The following ADNP variants were observed in gnomAD, a reference collection of about 807,000 sequenced individuals.
ADNP encodes the protein activity dependent neuroprotector homeobox.
A neutral mutation model predicts 84.9 loss-of-function variants in ADNP; 4 were observed. The observed-to-expected ratio is 0.05, with a 90% CI of 0.02 to 0.11. ADNP has a LOEUF of 0.11. ADNP is among the 10% of genes least tolerant of loss of function. ADNP has a pLI of 1.00. For missense variants in ADNP, 1,132 were observed against 1,326.0 expected (o/e 0.85, Z 2.27); for synonymous variants, 554 against 468.1 (o/e 1.18, Z -2.37).
intron 2 of ADNP, among the ~76,000 whole-genome samples, chr20:50,922,921 C>G (rs756161741): frequency 4.6e-5 from 7 of 152,052 alleles, no homozygotes; most frequent in Non-Finnish European, 1.0e-4. Flanking sequence ...GGAAACCTTA[C>G]TTCCCTTCCC....
intron 5 of ADNP, among the ~76,000 whole-genome samples, chr20:50,899,524 A>C (rs1284991753): frequency 6.6e-6 from 1 of 151,978 alleles, no homozygotes; most frequent in Non-Finnish European, 1.5e-5. Context: ...ATGAGTTTTT[A>C]ATCATTATTT....
chr20:50,894,003 T>C lies in ADNP; in HGVS notation c.711A>G (p.Val237=), dbSNP rs1264284589. Reference sequence around the variant, plus strand: ...GTTCATGGTCTTCGATGACATGCTGTACCAAAGCTTCATAGGACTTTGGCA... The same window carrying C: ...GTTCATGGTCTTCGATGACATGCTGCACCAAAGCTTCATAGGACTTTGGCA... ...LFMPKSYEAL[V]QHVIEDHERI... Residue 237 remains valine (V), a synonymous_variant, in exon 6 of 6, where the codon GTA becomes GTG. Coordinates refer to ENST00000621696, the MANE Select transcript of ADNP (RefSeq NM_001282531.3). 1.2e-6 allele frequency: 2 copies of C among 1,614,188 alleles called. No homozygotes were observed. Among genetic ancestry groups the C allele is most frequent in the Admixed American group, 1.7e-5 (1 of 60,018 alleles).
chr20:50,914,536 C>G (rs1364345326), intron 2 of ADNP: 1 of 239,004 alleles, frequency 4.2e-6, no homozygotes, highest in Non-Finnish European at 8.5e-6. Flanking sequence ...GACTATTGTT[C>G]CTGCTGAGGT....
rs368941439 is a variant in ADNP at position 50,892,078 on chromosome 20, A to G, written c.2636T>C (p.Phe879Ser). The G allele has an allele frequency of 8.7e-6, 14 of 1,613,976 alleles. No homozygotes were observed. The highest frequency in any genetic ancestry group is 3.3e-5 in the Admixed American group (2 of 59,994). The change falls in exon 6 of 6, where the codon TTT becomes TCT. Residue 879 changes from phenylalanine (F) to serine (S), a missense_variant. Physicochemically the swap from Phe to Ser is radical, Grantham distance 155 (BLOSUM62 -2). Coordinates refer to ENST00000621696, the MANE Select transcript of ADNP (RefSeq NM_001282531.3). The part of the protein sequence containing the change: ...GKEDDSSSDS[F>S]ENLEEESNES... ...ATTGGATTCTTCTTCCAAATTTTCA[A>G]AACTGTCTGAGGAACTGTCATCTTC...
chr20:50,896,774 ACCTG>A, intron 5 of ADNP, among the ~76,000 whole-genome samples: 1 of 152,118 alleles, frequency 6.6e-6, no homozygotes, highest in African/African-American at 2.4e-5. Context: ...CTGCAGAAGG[ACCTG>A]CCTTAGGCTT....
Position 50,927,357 on chromosome 20 carries a change from T to A in ADNP, c.-90+1294A>T, listed in dbSNP as rs942934841. On this transcript the variant is annotated intron_variant, in intron 2 of 5. Coordinates refer to ENST00000621696, the MANE Select transcript of ADNP (RefSeq NM_001282531.3). ...ACTATAAAAACCAAAATCAAAGAGG[T>A]TAGTTTCAATATATAGCTCCTAATA... Among the ~76,000 whole-genome samples the A allele has an allele frequency of 3.9e-5, 6 of 152,076 alleles. No individual in the cohort carries two copies. The South Asian group carries it at 6.2e-4, about 16-fold the overall frequency.
At chr20:50,906,138 G>A (rs1314134739) in intron 2 of ADNP, among the ~76,000 whole-genome samples, 1 of 152,150 alleles carries the variant, frequency 6.6e-6, no homozygotes. Flanking sequence ...CTTGAACCCG[G>A]GAGGCAGAGG....
In ADNP at chr20:50,904,284, C is replaced by A. The variant is rs562482769; in HGVS notation, c.-5-283G>T. 15 of 323,934 alleles carry A rather than the reference C, an allele frequency of 4.6e-5. No homozygotes were observed. In the East Asian group the frequency reaches 9.7e-4, roughly 21 times the overall value. 20.1% of individuals were successfully genotyped at this position (323,934 alleles called of 1,614,324 possible). On this transcript the variant is annotated intron_variant, in intron 3 of 5. Coordinates refer to ENST00000621696, the MANE Select transcript of ADNP (RefSeq NM_001282531.3). ...TGGTTCATTGACTGCAGTGCACTCA[C>A]GATTCACCATAGCCTCAACCTTCTG...
In ADNP at chr20:50,891,561, A is replaced by G. The variant is rs772065043; in HGVS notation, c.3153T>C (p.Ser1051=). Residue 1051 remains serine, a synonymous_variant, in exon 6 of 6, where the codon TCT becomes TCC. Transcript: ENST00000621696. ...GGTTAGATAAGCGCTCATCATTCTC[A>G]GATGCATTCTTCCACTGTGACTGGT... ...SKDQSQWKNA[S]ENDERLSNPQ... is the part of the protein sequence containing the mutation. 4 of 1,612,562 alleles carry G rather than the reference A, an allele frequency of 2.5e-6. No homozygotes were observed. The South Asian group carries it at 4.4e-5, about 18-fold the overall frequency.
Position 50,923,651 on chromosome 20 carries a change from G to C in ADNP, c.-90+5000C>G, listed in dbSNP as rs1036263597. ...TCCTGCCTCAGCCTCCCAAGTAGCT[G>C]AGACTACATGTGAGTGCCACCACAC... On this transcript the variant is annotated intron_variant, in intron 2 of 5. Transcript: ENST00000621696. 5.3e-5 allele frequency among the ~76,000 whole-genome samples: 8 copies of C among 152,178 alleles called. No individual in the cohort carries two copies. In the South Asian group the frequency reaches 8.3e-4, roughly 16 times the overall value.
At chr20:50,914,973 TG>T (rs1393627599) in intron 2 of ADNP, among the ~76,000 whole-genome samples, 1 of 147,094 alleles carries the variant, frequency 6.8e-6, no homozygotes, top group African/African-American at 2.7e-5. Context: ...CATGTACACG[TG>T]TATTTTTTTT....
chr20:50,897,711 G>A (rs1219317210), intron 5 of ADNP, among the ~76,000 whole-genome samples: 1 of 152,202 alleles, frequency 6.6e-6, no homozygotes, highest in Non-Finnish European at 1.5e-5. Context: ...CTTAAAAGCT[G>A]CTGTAACTCC....
chr20:50,895,368 TTG>T (rs1313061194), intron 5 of ADNP, among the ~76,000 whole-genome samples: 4 of 152,194 alleles, frequency 2.6e-5, no homozygotes, highest in African/African-American at 9.7e-5. Flanking sequence ...TGGTAAATAT[TTG>T]TATGTTTAAA....
chr20:50,908,585 T>C (rs1256783547), intron 2 of ADNP, among the ~76,000 whole-genome samples: 3 of 151,918 alleles, frequency 2.0e-5, no homozygotes, highest in Non-Finnish European at 4.4e-5. Context: ...CCATCCTGGC[T>C]AACATGGTGA....
At chr20:50,899,115 A>G (rs1379337658) in intron 5 of ADNP, among the ~76,000 whole-genome samples, 1 of 151,982 alleles carries the variant, frequency 6.6e-6, no homozygotes, top group Non-Finnish European at 1.5e-5. Flanking sequence ...AAACCCTCTT[A>G]TACAGAGGGC....
chr20:50,901,887 G>T, intron 5 of ADNP, 130 bp downstream of exon 5: 1 of 783,102 alleles, frequency 1.3e-6, no homozygotes, highest in South Asian at 1.5e-5. Context: ...AGGAAAATAT[G>T]AAATGCAATT....
At chr20:50,921,093 T>C (rs542471207) in intron 2 of ADNP, among the ~76,000 whole-genome samples, 19 of 152,342 alleles carry the variant, frequency 1.2e-4, no homozygotes, top group African/African-American at 4.1e-4. Context: ...AAGGATTAAA[T>C]GAGATGATGC....
At chr20:50,924,037 T>A (rs113715324) in intron 2 of ADNP, among the ~76,000 whole-genome samples, 6 of 152,168 alleles carry the variant, frequency 3.9e-5, no homozygotes, top group Non-Finnish European at 7.4e-5. Flanking sequence ...GGTCATGAGC[T>A]TCCACCAGAA....
chr20:50,920,103 C>T (rs1314839500), intron 2 of ADNP, among the ~76,000 whole-genome samples: 1 of 149,372 alleles, frequency 6.7e-6, no homozygotes, highest in Non-Finnish European at 1.5e-5. Flanking sequence ...ATGGTGAAAC[C>T]CCATCTCTAC....
Sources: allele counts gnomAD v4.1 joint callset (sites outside exome capture counted in the v4.1 genomes callset), GRCh38; gene constraint gnomAD v4.1.1; transcripts MANE v1.5; gene names NCBI Gene and HGNC (gene_info 2026-07-23, HGNC 2026-07-21).